CSNK1G3: variants seen among roughly 807,000 people sequenced by gnomAD.
The protein encoded by CSNK1G3 is casein kinase 1 gamma 3, also known as casein kinase I isoform gamma-3.
In CSNK1G3, 23 loss-of-function variants were observed where a neutral mutation model predicts 64.3. The observed-to-expected ratio is 0.36, with a 90% CI of 0.26 to 0.51. The LOEUF (loss-of-function observed/expected upper bound fraction) is 0.51. Ranked by LOEUF, CSNK1G3 falls within the 20% of genes least tolerant of loss-of-function variation. The pLI is 0.96. For missense variants in CSNK1G3, 357 were observed against 510.5 expected (o/e 0.70, Z 2.90); for synonymous variants, 158 against 162.2 (o/e 0.97, Z 0.20).
At chr5:123,584,283 TGTTA>T (rs1166087850) in intron 6 of CSNK1G3, among the ~76,000 whole-genome samples, 1 of 152,098 alleles carries the variant, frequency 6.6e-6, no homozygotes, top group African/African-American at 2.4e-5. Flanking sequence ...TTAAGAATTA[TGTTA>T]GTTGACATTT....
chr5:123,514,574 T>G (rs183182750), intron 1 of CSNK1G3, among the ~76,000 whole-genome samples: 1 of 152,264 alleles, frequency 6.6e-6, no homozygotes, highest in Non-Finnish European at 1.5e-5. Context: ...CTGTGGGTTT[T>G]GTTGGAGGTG....
At chr5:123,606,926 T>A (rs1795462846) in intron 12 of CSNK1G3, among the ~76,000 whole-genome samples, 1 of 152,132 alleles carries the variant, frequency 6.6e-6, no homozygotes, top group Non-Finnish European at 1.5e-5. Flanking sequence ...ATTAATACGA[T>A]AAAAAAGGTA....
At chr5:123,532,858 C>G (rs1379520949) in intron 1 of CSNK1G3, among the ~76,000 whole-genome samples, 1 of 151,724 alleles carries the variant, frequency 6.6e-6, no homozygotes, top group African/African-American at 2.4e-5. Context: ...GTCTCTTGCC[C>G]TTTATTTCTA....
At chr5:123,522,667 G>A (rs1032042458) in intron 1 of CSNK1G3, among the ~76,000 whole-genome samples, 1 of 152,026 alleles carries the variant, frequency 6.6e-6, no homozygotes, top group Non-Finnish European at 1.5e-5. Flanking sequence ...TAGTTGTTAT[G>A]AAGTATTGTT....
intron 1 of CSNK1G3, among the ~76,000 whole-genome samples, chr5:123,527,015 T>C (rs1055214151): frequency 6.6e-6 from 1 of 152,132 alleles, no homozygotes; most frequent in African/African-American, 2.4e-5. Flanking sequence ...TTATTCCCAC[T>C]GGCAATATAG....
At chr5:123,595,817 T>A (rs1793337451) in intron 10 of CSNK1G3, among the ~76,000 whole-genome samples, 1 of 152,074 alleles carries the variant, frequency 6.6e-6, no homozygotes, top group African/African-American at 2.4e-5. Flanking sequence ...GCCCCATAAA[T>A]TTTAATCATT....
chr5:123,555,283 C>T (rs1330794040), intron 3 of CSNK1G3, among the ~76,000 whole-genome samples: 2 of 152,114 alleles, frequency 1.3e-5, no homozygotes, highest in Admixed American at 6.6e-5. Flanking sequence ...CAAGTTCATC[C>T]AAAATATCGG....
chr5:123,514,139 G>A (rs1776727788), intron 1 of CSNK1G3, among the ~76,000 whole-genome samples: 1 of 152,170 alleles, frequency 6.6e-6, no homozygotes. Context: ...TTCTGAATAT[G>A]CATTAAATAG....
intron 1 of CSNK1G3, among the ~76,000 whole-genome samples, chr5:123,512,780 G>C (rs1258296480): frequency 6.6e-6 from 1 of 151,358 alleles, no homozygotes; most frequent in African/African-American, 2.4e-5. Context: ...GGAGGGGGCC[G>C]CGGTCGGAGG....
At chr5:123,586,988 A>C (rs1263077770) in intron 6 of CSNK1G3, among the ~76,000 whole-genome samples, 2 of 152,286 alleles carry the variant, frequency 1.3e-5, no homozygotes, top group East Asian at 3.9e-4. Context: ...AGGTCTCATA[A>C]GACTTATTCA....
chr5:123,515,550 G>A (rs1015881440), intron 1 of CSNK1G3, among the ~76,000 whole-genome samples: 1 of 151,952 alleles, frequency 6.6e-6, no homozygotes, highest in Admixed American at 6.6e-5. Context: ...TTCACAGTTC[G>A]GGATTAACGT....
At chr5:123,529,629 T>G (rs540814285) in intron 1 of CSNK1G3, among the ~76,000 whole-genome samples, 1 of 152,272 alleles carries the variant, frequency 6.6e-6, no homozygotes, top group South Asian at 2.1e-4. Context: ...CAGTTTAAAT[T>G]TTATGGCATT....
chr5:123,581,120 AT>A (rs1329481234), intron 6 of CSNK1G3, among the ~76,000 whole-genome samples: 1 of 151,782 alleles, frequency 6.6e-6, no homozygotes, highest in Non-Finnish European at 1.5e-5. Context: ...ATGTATTTAC[AT>A]TTTATAATTA....
intron 10 of CSNK1G3, among the ~76,000 whole-genome samples, chr5:123,594,243 A>T (rs933942673): frequency 2.6e-5 from 4 of 152,186 alleles, no homozygotes; most frequent in African/African-American, 9.6e-5. Flanking sequence ...CTGAAACAGA[A>T]GTTGTCCCCT....
chr5:123,585,781 A>G (rs1299933485), intron 6 of CSNK1G3, among the ~76,000 whole-genome samples: 2 of 152,234 alleles, frequency 1.3e-5, no homozygotes, highest in East Asian at 3.8e-4. Context: ...AGCATGGCTA[A>G]AATTTAAAAG....
intron 1 of CSNK1G3, among the ~76,000 whole-genome samples, chr5:123,522,998 A>T (rs1231250787): frequency 6.6e-6 from 1 of 152,212 alleles, no homozygotes; most frequent in African/African-American, 2.4e-5. Context: ...TAAAGTTATT[A>T]TAAATTATAA....
intron 1 of CSNK1G3, among the ~76,000 whole-genome samples, chr5:123,537,985 T>G (rs1306600682): frequency 6.6e-6 from 1 of 152,190 alleles, no homozygotes; most frequent in Non-Finnish European, 1.5e-5. Flanking sequence ...TCTGAGAAAT[T>G]CACCATATTG....
chr5:123,594,100 C>T (rs4836025), intron 10 of CSNK1G3, among the ~76,000 whole-genome samples: 28,860 of 152,008 alleles, frequency 0.19, 2,865 homozygotes, highest in Middle Eastern at 0.33. Flanking sequence ...CTGTCTTCAT[C>T]AGTAAAAGTG....
At chr5:123,602,345 G>A (rs1374676143) in intron 10 of CSNK1G3, among the ~76,000 whole-genome samples, 1 of 152,126 alleles carries the variant, frequency 6.6e-6, no homozygotes, top group African/African-American at 2.4e-5. Flanking sequence ...AGAGGGTCCT[G>A]TTTCTCTACA....
Sources: allele counts gnomAD v4.1 joint callset (sites outside exome capture counted in the v4.1 genomes callset), GRCh38; gene constraint gnomAD v4.1.1; transcripts MANE v1.5; gene names NCBI Gene and HGNC (gene_info 2026-07-23, HGNC 2026-07-21).